GLUD1: variants seen among roughly 807,000 people sequenced by gnomAD.
GLUD1 encodes the protein glutamate dehydrogenase 1.
A neutral mutation model predicts 56.0 loss-of-function variants in GLUD1; 22 were observed. That is an observed-to-expected ratio of 0.39 (90% CI 0.28 to 0.56). The LOEUF is 0.56. Among genes scored for constraint, GLUD1 ranks in the 20% least tolerant of loss-of-function variants. The probability of loss-of-function intolerance (pLI) is 0.58; values close to 1 mark genes in which losing one functional copy is unlikely to be tolerated. For missense variants in GLUD1, 451 were observed against 732.0 expected (o/e 0.62, Z 4.43); for synonymous variants, 223 against 269.9 (o/e 0.83, Z 1.70).
intron 1 of GLUD1, among the ~76,000 whole-genome samples, chr10:87,083,473 C>G (rs990207636): frequency 3.3e-5 from 5 of 152,110 alleles, no homozygotes; most frequent in African/African-American, 9.7e-5. Flanking sequence ...ATCAGAAAAT[C>G]TTAAAATATT....
chr10:87,059,279 C>T lies in GLUD1; in HGVS notation c.1279-6G>A, dbSNP rs374548261. The T allele has an allele frequency of 1.1e-4, 178 of 1,613,196 alleles. No homozygotes were observed. The highest frequency in any genetic ancestry group is 1.4e-4 in the Non-Finnish European group (165 of 1,179,306). On this transcript the variant is annotated splice_region_variant and splice_polypyrimidine_tract_variant and intron_variant, in intron 9 of 12. Transcript: ENST00000277865. ...CCAGCATTCAAGTAGAGATCCTATG[C>T]ACAAAAATAAGACAAAGAAATTAGA...
At chr10:87,052,990 T>C (rs1345748758) in intron 12 of GLUD1, among the ~76,000 whole-genome samples, 1 of 152,122 alleles carries the variant, frequency 6.6e-6, no homozygotes, top group Non-Finnish European at 1.5e-5. Context: ...TCAAAATAAG[T>C]TTTGCTTATA....
intron 4 of GLUD1, among the ~76,000 whole-genome samples, chr10:87,071,765 T>C (rs1273794736): frequency 1.3e-5 from 2 of 152,180 alleles, no homozygotes; most frequent in African/African-American, 4.8e-5. Flanking sequence ...GAGGCTAGAA[T>C]TGTCCTGATA....
In GLUD1 at chr10:87,067,025, T is replaced by C. The variant is rs577639555; in HGVS notation, c.741+1038A>G. On this transcript the variant is annotated intron_variant, in intron 5 of 12. Transcript: ENST00000277865. ...GAGTCTCTCTGTCATGTGCCTCACA[T>C]GTGCAATGCTCCTCTCCTGGTCCTC... is the stretch of plus-strand genomic sequence containing the variant. Among the ~76,000 whole-genome samples the C allele has an allele frequency of 4.6e-5, 7 of 152,352 alleles. No individual in the cohort carries two copies. The South Asian group carries it at 8.3e-4, about 18-fold the overall frequency.
intron 12 of GLUD1, among the ~76,000 whole-genome samples, chr10:87,052,365 G>A (rs1404677627): frequency 6.6e-6 from 1 of 152,112 alleles, no homozygotes; most frequent in Admixed American, 6.5e-5. Context: ...GTGGGCGCCT[G>A]TAATCCCGGC....
At chr10:87,093,312 T>C (rs1282810275) in intron 1 of GLUD1, among the ~76,000 whole-genome samples, 1 of 152,226 alleles carries the variant, frequency 6.6e-6, no homozygotes, top group Non-Finnish European at 1.5e-5. Flanking sequence ...CTGGGCTCTT[T>C]ATTCCATATA....
intron 1 of GLUD1, among the ~76,000 whole-genome samples, chr10:87,089,252 C>A (rs1841458059): frequency 6.6e-6 from 1 of 152,184 alleles, no homozygotes; most frequent in Admixed American, 6.5e-5. Context: ...TAACTTTTTG[C>A]ATAAATAAAT....
At chr10:87,093,840 T>C in intron 1 of GLUD1, 2 of 1,053,206 alleles carry the variant, frequency 1.9e-6, no homozygotes, top group South Asian at 1.3e-5. Context: ...AGCCAAGTCA[T>C]TTTCTATGTT....
chr10:87,083,839 GCA>G (rs1564563035), intron 1 of GLUD1, among the ~76,000 whole-genome samples: 9 of 127,306 alleles, frequency 7.1e-5, no homozygotes, highest in African/African-American at 2.5e-4. Context: ...ACACACACAC[GCA>G]CACACCGCAT....
At chr10:87,067,999 G>A (rs1199503970) in intron 5 of GLUD1, 64 bp downstream of exon 5, 25 of 939,982 alleles carry the variant, frequency 2.7e-5, no homozygotes, top group Non-Finnish European at 4.0e-5. Flanking sequence ...GATATAATCA[G>A]TCAAACTGTT....
At chr10:87,079,941 C>T (rs1181593913) in intron 1 of GLUD1, among the ~76,000 whole-genome samples, 2 of 129,266 alleles carry the variant, frequency 1.5e-5, no homozygotes, top group East Asian at 2.3e-4. Flanking sequence ...TCTCCCTCTC[C>T]CTCTCCCCAC....
chr10:87,058,468 C>T (rs1026428467), intron 10 of GLUD1, among the ~76,000 whole-genome samples: 2 of 152,154 alleles, frequency 1.3e-5, no homozygotes, highest in Non-Finnish European at 2.9e-5. Flanking sequence ...GTGGAGCTTA[C>T]TCTAGTCAAA....
rs2133872693 is a variant in GLUD1, at chr10:87,094,123, G to A, written c.445+202C>T. On this transcript the variant is annotated intron_variant, in intron 1 of 12. Coordinates refer to ENST00000277865, the MANE Select transcript of GLUD1 (RefSeq NM_005271.5). The surrounding 1 kb of genome is among the most constrained non-coding windows in gnomAD (Gnocchi z 6.6). Reference sequence around the variant, plus strand: ...GGTGACGGCGCGGGGGAGGGGGCAGGCCAATCGCATGATGATTTTAAGGCG... The same window carrying A: ...GGTGACGGCGCGGGGGAGGGGGCAGACCAATCGCATGATGATTTTAAGGCG... 4 of 1,472,514 alleles carry A rather than the reference G, an allele frequency of 2.7e-6. No homozygotes were observed. The highest frequency in any genetic ancestry group is 3.6e-6 in the Non-Finnish European group (4 of 1,109,758). 91.2% of individuals were successfully genotyped at this position (1,472,514 alleles called of 1,614,324 possible). A position where few individuals can be genotyped will look rare whatever the true frequency, so the allele number is the denominator to read the frequency against.
intron 4 of GLUD1, among the ~76,000 whole-genome samples, chr10:87,069,370 C>A (rs1258334959): frequency 6.6e-6 from 1 of 151,902 alleles, no homozygotes; most frequent in African/African-American, 2.4e-5. Flanking sequence ...CAAAAATTAG[C>A]CGGGCGTGGT....
In GLUD1 at chr10:87,091,200, C is replaced by T. The variant is rs186905854; in HGVS notation, c.445+3125G>A. On this transcript the variant is annotated intron_variant, in intron 1 of 12. Transcript: ENST00000277865. Reference sequence around the variant, plus strand: ...ATTTTAGAAAATTTTATGATAGTAGCATCAGTGATAGGGAATTTTAATAGT... The same window carrying T: ...ATTTTAGAAAATTTTATGATAGTAGTATCAGTGATAGGGAATTTTAATAGT... 5.5e-3 allele frequency among the ~76,000 whole-genome samples: 841 copies of T among 151,556 alleles called. 11 individuals are homozygous for T. The highest frequency in any genetic ancestry group is 0.019 in the African/African-American group (803 of 41,222).
At chr10:87,076,093 A>C (rs1846384613) in intron 2 of GLUD1, 70 bp from the exon 3 acceptor site, 1 of 1,036,316 alleles carries the variant, frequency 9.6e-7, no homozygotes, top group African/African-American at 1.6e-5. Context: ...AAAGCACCAC[A>C]CAATATTAGA....
chr10:87,070,547 C>T (rs1275165713), intron 4 of GLUD1, among the ~76,000 whole-genome samples: 4 of 151,852 alleles, frequency 2.6e-5, no homozygotes, highest in South Asian at 2.1e-4. Context: ...TGCAGTGAGC[C>T]GAGATCACGC....
chr10:87,082,597 T>C (rs920836651), intron 1 of GLUD1, among the ~76,000 whole-genome samples: 36 of 152,182 alleles, frequency 2.4e-4, no homozygotes, highest in African/African-American at 8.2e-4. Context: ...AGGGAGGGGA[T>C]AGAAATGAAT....
In GLUD1 at chr10:87,061,226, T is replaced by C. The variant is rs1845921427; in HGVS notation, c.922-174A>G. 3 of 744,644 alleles carry C rather than the reference T, an allele frequency of 4.0e-6. No homozygotes were observed. The East Asian group carries it at 8.0e-5, about 20-fold the overall frequency. 46.1% of individuals were successfully genotyped at this position (744,644 alleles called of 1,614,324 possible). Reference sequence around the variant, plus strand: ...TTCTCTTCAACAATAAAATTCTCTGTTTAAGAATGTGATGAGCGGGCATGG... The same window carrying C: ...TTCTCTTCAACAATAAAATTCTCTGCTTAAGAATGTGATGAGCGGGCATGG... On this transcript the variant is annotated intron_variant, in intron 6 of 12. Transcript: ENST00000277865.
Sources: allele counts gnomAD v4.1 joint callset (sites outside exome capture counted in the v4.1 genomes callset), GRCh38; gene constraint gnomAD v4.1.1; non-coding constraint Gnocchi (gnomAD v3.1); transcripts MANE v1.5; gene names NCBI Gene and HGNC (gene_info 2026-07-23, HGNC 2026-07-21).